RANBP17: variants seen among roughly 807,000 people sequenced by gnomAD.
RANBP17 encodes ran-binding protein 17.
In RANBP17, 158 loss-of-function variants were observed where a neutral mutation model predicts 141.2. The observed-to-expected ratio is 1.12, with a 90% CI of 0.98 to 1.28. The LOEUF (loss-of-function observed/expected upper bound fraction) is 1.28, where lower values mean the gene tolerates loss of function less well. Ranked by LOEUF, RANBP17 falls within the 50% of genes most tolerant of loss-of-function variation. The probability of loss-of-function intolerance (pLI) is 0.00; values close to 1 mark genes in which losing one functional copy is unlikely to be tolerated. For synonymous variants in RANBP17, 430 were observed against 450.0 expected (o/e 0.96, Z 0.56); for missense variants, 1,438 against 1,290.7 (o/e 1.11, Z -1.75).
chr5:171,124,956 G>T (rs955372974), intron 14 of RANBP17, among the ~76,000 whole-genome samples: 18 of 152,224 alleles, frequency 1.2e-4, no homozygotes, highest in African/African-American at 4.3e-4. Flanking sequence ...CCAACTATAT[G>T]CTGCCTACAA....
chr5:171,228,389 T>C (rs1764004243), intron 22 of RANBP17, among the ~76,000 whole-genome samples: 1 of 152,196 alleles, frequency 6.6e-6, no homozygotes, highest in South Asian at 2.1e-4. Context: ...AAGTGGAGAC[T>C]GAAGATGTGA....
chr5:171,107,050 T>TTG (rs1754894037), intron 14 of RANBP17, among the ~76,000 whole-genome samples: 2 of 129,894 alleles, frequency 1.5e-5, no homozygotes, highest in Non-Finnish European at 3.4e-5. Flanking sequence ...TGTTGTTGTT[T>TTG]TGGAGTTCAA....
At chr5:171,279,310 G>A (rs565339766) in intron 25 of RANBP17, among the ~76,000 whole-genome samples, 12 of 152,262 alleles carry the variant, frequency 7.9e-5, no homozygotes, top group Non-Finnish European at 1.5e-4. Context: ...GCAGAATACC[G>A]TAGATTGAGT....
At chr5:170,892,680 TTATC>T (rs1050397474) in intron 4 of RANBP17, 127 bp downstream of exon 4, 2 of 686,676 alleles carry the variant, frequency 2.9e-6, no homozygotes, top group Non-Finnish European at 4.8e-6. Flanking sequence ...GATTTATTAT[TTATC>T]CTCTGGATCC....
intron 5 of RANBP17, among the ~76,000 whole-genome samples, chr5:170,899,845 T>G (rs1023293980): frequency 1.3e-5 from 2 of 152,146 alleles, no homozygotes; most frequent in Non-Finnish European, 2.9e-5. Context: ...TTGAACCAGG[T>G]TTGCATCCCA....
chr5:171,274,467 TTTTAA>T (rs1339707484), intron 25 of RANBP17, among the ~76,000 whole-genome samples: 3 of 152,188 alleles, frequency 2.0e-5, no homozygotes, highest in African/African-American at 7.2e-5. Context: ...ATCTTTGCTA[TTTTAA>T]TTTAATTTTT....
chr5:171,144,820 G>A (rs1344165228), intron 14 of RANBP17, among the ~76,000 whole-genome samples: 1 of 152,182 alleles, frequency 6.6e-6, no homozygotes, highest in African/African-American at 2.4e-5. Context: ...TTCTTTGGAT[G>A]TCATAGACCA....
intron 12 of RANBP17, among the ~76,000 whole-genome samples, chr5:170,937,536 A>G (rs1485514640): frequency 6.6e-6 from 1 of 152,232 alleles, no homozygotes; most frequent in Non-Finnish European, 1.5e-5. Context: ...CCAGCTCAGT[A>G]GTACATTTGG....
At chr5:171,089,399 C>T (rs1400466558) in intron 14 of RANBP17, among the ~76,000 whole-genome samples, 2 of 151,578 alleles carry the variant, frequency 1.3e-5, no homozygotes, top group African/African-American at 2.4e-5. Context: ...GCAGAGGTTA[C>T]TGCTGTCTTT....
chr5:171,188,701 A>G (rs1761430135), intron 18 of RANBP17, among the ~76,000 whole-genome samples: 1 of 152,140 alleles, frequency 6.6e-6, no homozygotes, highest in Non-Finnish European at 1.5e-5. Flanking sequence ...ATGGGTTAAC[A>G]TTTCCTTTTT....
chr5:170,878,300 TA>T, intron 2 of RANBP17, 57 bp downstream of exon 2: 1 of 1,405,276 alleles, frequency 7.1e-7, no homozygotes, highest in Non-Finnish European at 9.6e-7. Context: ...ATGTCATTGT[TA>T]ATGAACTCGT....
intron 16 of RANBP17, among the ~76,000 whole-genome samples, chr5:171,178,267 T>C (rs1581798460): frequency 6.7e-6 from 1 of 149,008 alleles, no homozygotes; most frequent in African/African-American, 2.5e-5. Context: ...TGAGAACATG[T>C]GGTGTTTGGT....
intron 4 of RANBP17, among the ~76,000 whole-genome samples, chr5:170,895,740 G>C (rs1770059112): frequency 6.6e-6 from 1 of 152,056 alleles, no homozygotes; most frequent in Non-Finnish European, 1.5e-5. Flanking sequence ...CTTGTATTTT[G>C]AAACTTAGTT....
intron 14 of RANBP17, among the ~76,000 whole-genome samples, chr5:171,098,710 C>A (rs1453520381): frequency 1.3e-5 from 2 of 152,168 alleles, no homozygotes; most frequent in African/African-American, 4.8e-5. Context: ...GAAGTTATCA[C>A]CCATGCCTGT....
chr5:170,896,204 C>T, intron 5 of RANBP17, 89 bp downstream of exon 5: 1 of 885,570 alleles, frequency 1.1e-6, no homozygotes. Context: ...AAATAGACAG[C>T]CTTCATTTTG....
At chr5:170,873,059 G>A (rs893932085) in intron 1 of RANBP17, among the ~76,000 whole-genome samples, 4 of 152,150 alleles carry the variant, frequency 2.6e-5, no homozygotes, top group African/African-American at 9.7e-5. Flanking sequence ...CTACAGGCAC[G>A]TGAAACCGTG....
chr5:170,968,709 T>C (rs1246030029), intron 14 of RANBP17: 2 of 461,808 alleles, frequency 4.3e-6, no homozygotes, highest in Admixed American at 4.7e-5. Flanking sequence ...AGTTCCAGGG[T>C]TTTTTGGACA....
chr5:171,298,855 C>A lies in RANBP17; in HGVS notation c.3264C>A (p.Ser1088Arg). The A allele has an allele frequency of 1.2e-6, 2 of 1,613,352 alleles. No individual in the cohort carries two copies. Among genetic ancestry groups the A allele is most frequent in the Non-Finnish European group, 1.7e-6 (2 of 1,179,272 alleles). The change falls in exon 28 of 28, where the codon AGC (serine) becomes AGA (arginine). Residue 1088 changes from serine to arginine, a missense_variant. By Grantham distance (110) the Ser-to-Arg change is moderately radical. Coordinates refer to ENST00000523189, the MANE Select transcript of RANBP17 (RefSeq NM_022897.5). ...NTEPCSLDMM[S>R] The stretch of plus-strand genomic sequence containing the variant: ...AACCATGCAGTCTCGACATGATGAG[C>A]TGACCCGACTTTTCTGACCATGTGC...
intron 14 of RANBP17, among the ~76,000 whole-genome samples, chr5:171,141,774 A>G (rs2127811366): frequency 6.6e-6 from 1 of 152,270 alleles, no homozygotes; most frequent in East Asian, 1.9e-4. Context: ...GCCAACATTC[A>G]ACTAAGTCAC....
Sources: allele counts gnomAD v4.1 joint callset (sites outside exome capture counted in the v4.1 genomes callset), GRCh38; gene constraint gnomAD v4.1.1; transcripts MANE v1.5; gene names NCBI Gene and HGNC (gene_info 2026-07-23, HGNC 2026-07-21).